LTBP2: variants seen among roughly 807,000 people sequenced by gnomAD.
LTBP2 encodes the protein latent transforming growth factor beta binding protein 2.
Under a neutral mutation model 210.6 loss-of-function variants are expected in LTBP2, and 103 were observed. That is an observed-to-expected ratio of 0.49 (90% CI 0.42 to 0.58). The LOEUF is 0.58. Among genes scored for constraint, LTBP2 ranks in the 20% least tolerant of loss-of-function variants. The probability of loss-of-function intolerance (pLI) is 0.00; values close to 1 mark genes in which losing one functional copy is unlikely to be tolerated. For missense variants in LTBP2, 2,313 were observed against 2,494.5 expected, an observed-to-expected ratio of 0.93 and a Z score of 1.55; for synonymous variants, 1,007 against 1,015.0, an observed-to-expected ratio of 0.99 and a Z score of 0.15.
At chr14:74,582,835 A>C (rs1182741096) in intron 3 of LTBP2, among the ~76,000 whole-genome samples, 1 of 152,208 alleles carries the variant, frequency 6.6e-6, no homozygotes, top group African/African-American at 2.4e-5. Context: ...TGACTTACCT[A>C]CTGGTTTCAG....
chr14:74,527,499 T>C, intron 12 of LTBP2, 133 bp from the exon 13 acceptor site: 1 of 959,090 alleles, frequency 1.0e-6, no homozygotes, highest in Non-Finnish European at 1.6e-6. Flanking sequence ...ACAGAAAGCG[T>C]GGACTCTTCT....
intron 3 of LTBP2, among the ~76,000 whole-genome samples, chr14:74,585,608 A>G (rs926679537): frequency 6.6e-6 from 1 of 152,100 alleles, no homozygotes; most frequent in Admixed American, 6.5e-5. Context: ...CAGGCACTCG[A>G]GGGCAAAGAC....
At position 74,571,106 on chromosome 14, in the gene LTBP2, C is replaced by T. The variant is rs771596727; in HGVS notation, c.830+14748G>A. Among the ~76,000 whole-genome samples, 138 of 151,058 alleles carry T rather than the reference C, an allele frequency of 9.1e-4. 1 individual carries two copies. The highest frequency in any genetic ancestry group is 2.4e-3 in the Admixed American group (37 of 15,164). Reference sequence around the variant, plus strand: ...CAGCCCTTTGGAAGGCTGAGGTGGGCGGATCACTTGAGGTCAGGAGTTCGA... The same window carrying T: ...CAGCCCTTTGGAAGGCTGAGGTGGGTGGATCACTTGAGGTCAGGAGTTCGA... On this transcript the variant is annotated intron_variant, in intron 3 of 35. Transcript: ENST00000261978.
intron 3 of LTBP2, among the ~76,000 whole-genome samples, chr14:74,582,588 T>G (rs576771591): frequency 3.9e-5 from 6 of 152,280 alleles, no homozygotes; most frequent in African/African-American, 1.4e-4. Flanking sequence ...CATTTAATCT[T>G]TCCTGTCATC....
chr14:74,607,786 G>A (rs2088546879), intron 1 of LTBP2, among the ~76,000 whole-genome samples: 1 of 152,098 alleles, frequency 6.6e-6, no homozygotes, highest in Non-Finnish European at 1.5e-5. Context: ...ACATCTATTG[G>A]AATTAATTAA....
chr14:74,560,653 C>T (rs768162768), intron 3 of LTBP2, among the ~76,000 whole-genome samples: 2 of 152,246 alleles, frequency 1.3e-5, no homozygotes, highest in Non-Finnish European at 2.9e-5. Flanking sequence ...ATAAATCGGG[C>T]TTCCAAAAAC....
chr14:74,595,385 C>T (rs940008135), intron 2 of LTBP2, among the ~76,000 whole-genome samples: 5 of 152,202 alleles, frequency 3.3e-5, no homozygotes, highest in Non-Finnish European at 5.9e-5. Flanking sequence ...GGCCTAGGCT[C>T]CTCTCCAGCT....
In LTBP2 at chr14:74,612,078, G is replaced by T. The variant is rs1017097526; in HGVS notation, c.-134C>A. The T allele has an allele frequency of 2.1e-6, 2 of 942,066 alleles. No individual in the cohort carries two copies. The highest frequency in any genetic ancestry group is 2.9e-6 in the Non-Finnish European group (2 of 679,984). 58.4% of individuals were successfully genotyped at this position (942,066 alleles called of 1,614,324 possible). A position where few individuals can be genotyped will look rare whatever the true frequency, so the allele number is the denominator to read the frequency against. On this transcript the variant is annotated 5_prime_UTR_variant, in exon 1 of 36. Transcript: ENST00000261978. ...CTCTGAGTCTAGGGGGCCCTGAAGC[G>T]GCCGACTGGGGGCCCGGCTCTCGGC...
intron 19 of LTBP2, 33 bp downstream of exon 19, chr14:74,511,212 G>A (rs2087066516): frequency 1.2e-6 from 2 of 1,613,092 alleles, no homozygotes; most frequent in Non-Finnish European, 1.7e-6. Flanking sequence ...AAGGCCGAAT[G>A]GCTGGCTCAG....
chr14:74,601,824 C>T (rs773721474), intron 2 of LTBP2, among the ~76,000 whole-genome samples: 5 of 152,158 alleles, frequency 3.3e-5, no homozygotes, highest in African/African-American at 7.2e-5. Context: ...GAACATCATA[C>T]GTTTTTTCAC....
intron 34 of LTBP2, 63 bp from the exon 35 acceptor site, chr14:74,501,653 T>C (rs567186498): frequency 9.3e-6 from 15 of 1,605,158 alleles, no homozygotes; most frequent in African/African-American, 2.7e-5. Context: ...TCCCTAATGC[T>C]GGGACCCTCG....
intron 25 of LTBP2, 84 bp from the exon 26 acceptor site, chr14:74,507,394 TG>T: frequency 1.3e-6 from 2 of 1,582,348 alleles, no homozygotes; most frequent in Non-Finnish European, 1.7e-6. Flanking sequence ...CCACAACCTC[TG>T]GGGTTCTTGA....
chr14:74,509,287 C>A lies in LTBP2; in HGVS notation c.3354G>T (p.Lys1118Asn). Residue 1118 changes from lysine to asparagine, a missense_variant, in exon 22 of 36, where the codon AAG (lysine) becomes AAT (asparagine). Physicochemically the swap from Lys to Asn is moderately conservative, Grantham distance 94 (BLOSUM62 0). Transcript: ENST00000261978. ...TGGGCCGGTAGCCCCCATCGCAGTCCTTGCAGGAGAAGGAGCCAGCCGTGT... is the reference window on the plus strand; with the variant it reads ...TGGGCCGGTAGCCCCCATCGCAGTCATTGCAGGAGAAGGAGCCAGCCGTGT... ...CTNTAGSFSC[K>N]DCDGGYRPSP... 1 of 1,613,700 alleles carries A rather than the reference C, an allele frequency of 6.2e-7. No homozygotes were observed. Among genetic ancestry groups the A allele is most frequent in the Non-Finnish European group, 8.5e-7 (1 of 1,180,006 alleles).
At position 74,506,028 on chromosome 14, in the gene LTBP2, ATG is replaced by A; in HGVS notation, c.4177+18_4177+19del. The A allele has an allele frequency of 6.2e-7, 1 of 1,613,804 alleles. No individual in the cohort carries two copies. Among genetic ancestry groups the A allele is most frequent in the Non-Finnish European group, 8.5e-7 (1 of 1,179,960 alleles). On this transcript the variant is annotated intron_variant, in intron 28 of 35. Transcript: ENST00000261978. Reference sequence around the variant, plus strand: ...GTAAACCTCTGAGTCACCATGGATAATGTGTCTCCCAGGCCTCACCTCCAGCC... The same window carrying A: ...GTAAACCTCTGAGTCACCATGGATAATGTCTCCCAGGCCTCACCTCCAGCC...
At chr14:74,517,994 C>T (rs1162494474) in intron 17 of LTBP2, among the ~76,000 whole-genome samples, 6 of 152,372 alleles carry the variant, frequency 3.9e-5, no homozygotes, top group Non-Finnish European at 1.5e-5. Context: ...AGTCCAATCT[C>T]CAAGCCTTTG....
rs147025519 is a variant in LTBP2 at position 74,552,928 on chromosome 14, C to T, written c.1156G>A (p.Gly386Ser). ...GDTTTLYSQG[G>S]HGHDPKSGFR... ...CCAGACTTGGGATCGTGCCCATGGC[C>T]GCCCTGGCTGTACAGGGTGGTGGTG... The change falls in exon 5 of 36, where the codon GGC (glycine) becomes AGC (serine). Residue 386 changes from glycine to serine, a missense_variant. This residue lies in a region of LTBP2 where 1,867 missense variants were observed against 1,976.9 expected (regional missense o/e 0.94). Coordinates refer to ENST00000261978, the MANE Select transcript of LTBP2 (RefSeq NM_000428.3). 4.3e-5 allele frequency: 70 copies of T among 1,613,780 alleles called. No individual in the cohort carries two copies. The African/African-American group carries it at 6.1e-4, about 14-fold the overall frequency.
At chr14:74,544,840 C>T (rs1012879436) in intron 8 of LTBP2, among the ~76,000 whole-genome samples, 3 of 152,152 alleles carry the variant, frequency 2.0e-5, no homozygotes, top group African/African-American at 7.2e-5. Flanking sequence ...TGCTGGGCGC[C>T]TGCAGTTTTT....
At position 74,586,491 on chromosome 14, in the gene LTBP2, G is replaced by A. The variant is rs2088207114; in HGVS notation, c.566-373C>T. On this transcript the variant is annotated intron_variant, in intron 2 of 35. Transcript: ENST00000261978. This position sits in a 1 kb window ranked among gnomAD's most constrained non-coding sequence, Gnocchi z 4.6. Reference sequence around the variant, plus strand: ...GGACAGACAGCGGCCCCGGAACTTTGACTAGGGATTGCCACAGAGTAGATT... The same window carrying A: ...GGACAGACAGCGGCCCCGGAACTTTAACTAGGGATTGCCACAGAGTAGATT... Among the ~76,000 whole-genome samples the A allele has an allele frequency of 6.6e-6, 1 of 152,178 alleles. No homozygotes were observed. The highest frequency in any genetic ancestry group is 6.5e-5 in the Admixed American group (1 of 15,286).
At chr14:74,569,096 C>T (rs2087939464) in intron 3 of LTBP2, among the ~76,000 whole-genome samples, 1 of 145,558 alleles carries the variant, frequency 6.9e-6, no homozygotes, top group Non-Finnish European at 1.5e-5. Context: ...GATGTGAGCT[C>T]TTAGAGGCGA....
Sources: gnomAD v4.1 joint callset for allele counts (sites outside exome capture counted in the v4.1 genomes callset) on GRCh38, gnomAD v4.1.1 for gene constraint, gnomAD v4.1.1 regional missense constraint, Gnocchi (gnomAD v3.1) non-coding constraint, MANE v1.5 for transcripts, NCBI Gene and HGNC (gene_info 2026-07-23, HGNC 2026-07-21) for gene names.